Variants in LDAH observed in about 807,000 individuals in gnomAD.
The protein encoded by LDAH is lipid droplet-associated hydrolase.
LDAH carries 26 observed loss-of-function variants against 29.6 expected under a neutral mutation model. The ratio of observed to expected loss-of-function variants is 0.88; its 90% CI spans 0.64 to 1.22. The LOEUF is 1.22. Ranked by LOEUF, LDAH falls within the 50% of genes most tolerant of loss-of-function variation. The pLI, the probability that LDAH is intolerant of heterozygous loss-of-function variation, is 0.00. For synonymous variants in LDAH, 117 were observed against 133.0 expected (o/e 0.88, Z 0.83); for missense variants, 344 against 387.3 (o/e 0.89, Z 0.94).
At chr2:20,711,523 C>T (rs140624062) in intron 5 of LDAH, among the ~76,000 whole-genome samples, 26,735 of 152,064 alleles carry the variant, frequency 0.18, 2,706 homozygotes, top group African/African-American at 0.28. Context: ...TGGTTCATCT[C>T]ATTGGGACTG....
At chr2:20,737,297 G>A (rs1038595953) in intron 5 of LDAH, among the ~76,000 whole-genome samples, 4 of 152,162 alleles carry the variant, frequency 2.6e-5, no homozygotes, top group Admixed American at 6.5e-5. Flanking sequence ...TACTTAGCAG[G>A]AGAAATAGTG....
At chr2:20,732,994 C>T (rs1459257977) in intron 5 of LDAH, among the ~76,000 whole-genome samples, 1 of 152,038 alleles carries the variant, frequency 6.6e-6, no homozygotes, top group African/African-American at 2.4e-5. Flanking sequence ...TGAGCCACTG[C>T]TCCTAACCCT....
intron 4 of LDAH, among the ~76,000 whole-genome samples, chr2:20,751,978 A>G (rs954509478): frequency 2.6e-5 from 4 of 152,050 alleles, no homozygotes; most frequent in African/African-American, 9.7e-5. Context: ...AGCAGCTTCA[A>G]CCTCCTGGGC....
chr2:20,803,540 C>A (rs1671866031), intron 1 of LDAH, among the ~76,000 whole-genome samples: 1 of 152,222 alleles, frequency 6.6e-6, no homozygotes, highest in Non-Finnish European at 1.5e-5. Context: ...GGTGCTCCAA[C>A]TCCTTCTACT....
intron 5 of LDAH, 23 bp downstream of exon 5, chr2:20,739,948 C>T (rs653347): frequency 0.43 from 667,339 of 1,541,572 alleles, 150,017 homozygotes; most frequent in South Asian, 0.64. Flanking sequence ...AATAAACATA[C>T]ACATTTTAAA....
chr2:20,683,861 A>G (rs567034826), downstream of LDAH, among the ~76,000 whole-genome samples: 19 of 151,052 alleles, frequency 1.3e-4, no homozygotes, highest in East Asian at 3.7e-3. Flanking sequence ...TCTCCATTAA[A>G]AAAAAAATGA....
At chr2:20,796,198 T>A (rs1423295073) in intron 2 of LDAH, among the ~76,000 whole-genome samples, 1 of 152,180 alleles carries the variant, frequency 6.6e-6, no homozygotes, top group Non-Finnish European at 1.5e-5. Context: ...TGTAATGGGC[T>A]CTCTTCCTTT....
At chr2:20,796,261 T>C (rs2125090846) in intron 2 of LDAH, among the ~76,000 whole-genome samples, 1 of 152,084 alleles carries the variant, frequency 6.6e-6, no homozygotes, top group Middle Eastern at 3.4e-3. Flanking sequence ...CACATATAAC[T>C]CAATGAGAGC....
rs1412485826 is a variant in LDAH, at chr2:20,684,824, C to G, written c.*2079G>C. 2.6e-6 allele frequency: 4 copies of G among 1,528,528 alleles called. No homozygotes were observed. The highest frequency in any genetic ancestry group is 1.2e-5 in the South Asian group (1 of 80,230). The allele number at this position is 1,528,528 out of a possible 1,614,324, so 94.7% of individuals were successfully genotyped here. A position where few individuals can be genotyped will look rare whatever the true frequency, so the allele number is the denominator to read the frequency against. ...GGTTGACTGGGACATACAGGCAGAG[C>G]TGCTTCTGGAAAATGGATTTCTTCC... On this transcript the variant is annotated 3_prime_UTR_variant, in exon 7 of 7. Transcript: ENST00000237822.
intron 4 of LDAH, among the ~76,000 whole-genome samples, chr2:20,759,383 T>C (rs1049373343): frequency 6.6e-6 from 1 of 152,204 alleles, no homozygotes; most frequent in Non-Finnish European, 1.5e-5. Context: ...TGGCCTGGAA[T>C]GTGAGATCTC....
rs964947782 is a variant in LDAH, at chr2:20,698,551, G to C, written c.786+3019C>G. ...AAAAATTAGCTGGGTATGGTGGCGG[G>C]TACCTGTAATCCCAGCTACTCGGGA... On this transcript the variant is annotated intron_variant, in intron 6 of 6. Coordinates refer to ENST00000237822, the MANE Select transcript of LDAH (RefSeq NM_021925.4). This position sits in a 1 kb window ranked among gnomAD's most constrained non-coding sequence, Gnocchi z 4.4. 2.0e-5 allele frequency among the ~76,000 whole-genome samples: 3 copies of C among 152,050 alleles called. No homozygotes were observed. Among genetic ancestry groups the C allele is most frequent in the African/African-American group, 7.3e-5 (3 of 41,372 alleles).
intron 2 of LDAH, among the ~76,000 whole-genome samples, chr2:20,798,830 C>T (rs77840290): frequency 2.0e-5 from 3 of 150,952 alleles, no homozygotes; most frequent in Non-Finnish European, 3.0e-5. Context: ...TGCAGTGAGC[C>T]GAGATCACAC....
intron 1 of LDAH, among the ~76,000 whole-genome samples, chr2:20,819,844 T>C (rs1231418485): frequency 6.6e-6 from 1 of 152,342 alleles, no homozygotes; most frequent in African/African-American, 2.4e-5. Flanking sequence ...GCAGATGACA[T>C]GATTGTATAT....
rs369290275 is a variant in LDAH, at chr2:20,697,345, C to A, written c.786+4225G>T. 3.3e-5 allele frequency among the ~76,000 whole-genome samples: 5 copies of A among 152,292 alleles called. No homozygotes were observed. The East Asian group carries it at 7.7e-4, about 23-fold the overall frequency. ...AATCTTTCCATCTTCAATCCCAATG[C>A]CTTAGTTCTTATAAAAGCTTTGTAA... On this transcript the variant is annotated intron_variant, in intron 6 of 6. Transcript: ENST00000237822.
In LDAH at chr2:20,715,855, G is replaced by A. The variant is rs182742271; in HGVS notation, c.704-14203C>T. On this transcript the variant is annotated intron_variant, in intron 5 of 6. Transcript: ENST00000237822. ...GAGGGACCTCTTAAAGGAGAACTAC[G>A]AACCACTGCTCAAGGAAGTGAGAGA... is the stretch of plus-strand genomic sequence containing the variant. 5.6e-4 allele frequency among the ~76,000 whole-genome samples: 84 copies of A among 151,228 alleles called. No homozygotes were observed. The East Asian group carries it at 0.014, about 25-fold the overall frequency.
At chr2:20,743,075 T>G (rs372420749) in intron 4 of LDAH, among the ~76,000 whole-genome samples, 1 of 152,254 alleles carries the variant, frequency 6.6e-6, no homozygotes, top group African/African-American at 2.4e-5. Context: ...TTTGGTGCAC[T>G]TAGACCACTG....
At chr2:20,753,381 C>T (rs1490763802) in intron 4 of LDAH, among the ~76,000 whole-genome samples, 1 of 152,168 alleles carries the variant, frequency 6.6e-6, no homozygotes, top group Non-Finnish European at 1.5e-5. Flanking sequence ...TGTTCAAATA[C>T]AGGCGACTGG....
intron 3 of LDAH, among the ~76,000 whole-genome samples, chr2:20,779,127 T>C (rs1004393486): frequency 6.6e-6 from 1 of 152,100 alleles, no homozygotes; most frequent in Non-Finnish European, 1.5e-5. Flanking sequence ...ACTAAACCCT[T>C]CCATCCTGCC....
At position 20,727,191 on chromosome 2, in the gene LDAH, AC is replaced by A. The variant is rs370111730; in HGVS notation, c.703+12779del. ...CTGGAGTTTGAGACTAGCTTGGCCA[AC>A]ATAGCAAGACCCTGTCTCTAATATA... On this transcript the variant is annotated intron_variant, in intron 5 of 6. Transcript: ENST00000237822. Among the ~76,000 whole-genome samples the A allele has an allele frequency of 1.5e-3, 228 of 152,310 alleles. 4 individuals carry two copies. The South Asian group carries it at 0.044, about 29-fold the overall frequency.
Sources: allele counts gnomAD v4.1 joint callset (sites outside exome capture counted in the v4.1 genomes callset), GRCh38; gene constraint gnomAD v4.1.1; non-coding constraint Gnocchi (gnomAD v3.1); transcripts MANE v1.5; gene names NCBI Gene and HGNC (gene_info 2026-07-23, HGNC 2026-07-21).